Variants in POLK observed in about 807,000 individuals in gnomAD.
POLK encodes the protein DNA polymerase kappa, also known as polymerase (DNA directed) kappa.
A neutral mutation model predicts 94.0 loss-of-function variants in POLK; 76 were observed. The observed-to-expected ratio is 0.81, with a 90% CI of 0.67 to 0.98. POLK has a LOEUF of 0.98. POLK is among the 50% of genes least tolerant of loss of function. The pLI, the probability that POLK is intolerant of heterozygous loss-of-function variation, is 0.00. For missense variants in POLK, 954 were observed against 1,010.1 expected, an observed-to-expected ratio of 0.94 and a Z score of 0.75; for synonymous variants, 349 against 325.4, an observed-to-expected ratio of 1.07 and a Z score of -0.78.
rs1381052689 is a variant in POLK at position 75,552,457 on chromosome 5, T to C, written c.136-15T>C. 1 of 1,604,882 alleles carries C rather than the reference T, an allele frequency of 6.2e-7. No individual in the cohort carries two copies. The highest frequency in any genetic ancestry group is 1.1e-5 in the South Asian group (1 of 89,744). ...CAGACATTTTTCTTATGCTTTGTTT[T>C]GTTTTCCTCCATAGGGGTCCAGATT... On this transcript the variant is annotated splice_polypyrimidine_tract_variant and intron_variant, in intron 2 of 14. Transcript: ENST00000241436.
At chr5:75,573,760 G>A in exon 5 of POLK, 1 of 1,613,188 alleles carries the variant, frequency 6.2e-7, no homozygotes, top group Non-Finnish European at 8.5e-7. Context: ...TACCATGCAA[G>A]GAGATTTGGT....
At chr5:75,572,464 A>G (rs1179074777) in intron 4 of POLK, among the ~76,000 whole-genome samples, 1 of 152,114 alleles carries the variant, frequency 6.6e-6, no homozygotes, top group Non-Finnish European at 1.5e-5. Context: ...ATACTATACT[A>G]TTACTTTATA....
Position 75,586,366 on chromosome 5 carries a change from G to A in POLK, c.1227-660G>A, listed in dbSNP as rs150049296. ...TAAGTTTTCTGAGGGCAAGTACTTGGTCTATTTCCTTCATTACTATATCCT... is the reference window on the plus strand; with the variant it reads ...TAAGTTTTCTGAGGGCAAGTACTTGATCTATTTCCTTCATTACTATATCCT... On this transcript the variant is annotated intron_variant, in intron 9 of 14. Transcript: ENST00000241436. Among the ~76,000 whole-genome samples, 316 of 152,150 alleles carry A rather than the reference G, an allele frequency of 2.1e-3. 1 individual carries two copies. In the East Asian group the frequency reaches 0.027, roughly 13 times the overall value.
At position 75,560,597 on chromosome 5, in the gene POLK, C is replaced by A; in HGVS notation, c.255+8006C>A. Among the ~76,000 whole-genome samples the A allele has an allele frequency of 1.3e-5, 2 of 152,054 alleles. 1 individual carries two copies. Among genetic ancestry groups the A allele is most frequent in the South Asian group, 4.1e-4 (2 of 4,820 alleles). ...GGTTTGTTACATAGGTATACATGTG[C>A]CACGGTGGTCTGCTGCACCTATCAA... On this transcript the variant is annotated intron_variant, in intron 3 of 14. Transcript: ENST00000241436.
intron 1 of POLK, among the ~76,000 whole-genome samples, chr5:75,519,473 G>GA (rs1768469128): frequency 6.6e-6 from 1 of 152,114 alleles, no homozygotes; most frequent in Non-Finnish European, 1.5e-5. Context: ...CCTGAGAGTA[G>GA]GGTGTTGAAG....
At chr5:75,541,308 C>T (rs762241930) in intron 1 of POLK, among the ~76,000 whole-genome samples, 1 of 151,728 alleles carries the variant, frequency 6.6e-6, no homozygotes, top group Non-Finnish European at 1.5e-5. Flanking sequence ...CAAAAAAAAA[C>T]CAAAAAACAA....
At chr5:75,534,298 C>A (rs932467110) in intron 1 of POLK, among the ~76,000 whole-genome samples, 1 of 151,064 alleles carries the variant, frequency 6.6e-6, no homozygotes, top group Non-Finnish European at 1.5e-5. Context: ...TGGGCTGAGA[C>A]CATGAGGTTT....
At chr5:75,571,644 T>C (rs1771606568) in intron 4 of POLK, among the ~76,000 whole-genome samples, 1 of 152,174 alleles carries the variant, frequency 6.6e-6, no homozygotes, top group Admixed American at 6.6e-5. Context: ...CATTTAGTAA[T>C]CTACCCCAAA....
In POLK at chr5:75,569,391, A is replaced by G. The variant is rs1390061264; in HGVS notation, c.307A>G (p.Ile103Val). 3.1e-6 allele frequency: 5 copies of G among 1,613,454 alleles called. No individual in the cohort carries two copies. The highest frequency in any genetic ancestry group is 2.7e-5 in the African/African-American group (2 of 74,928). The change falls in exon 4 of 15, where the codon ATA (isoleucine) becomes GTA (valine). Residue 103 changes from isoleucine to valine, a missense_variant. Ile to Val is a conservative substitution (Grantham distance 29, BLOSUM62 3). Coordinates refer to ENST00000241436, the Ensembl canonical transcript of POLK. Reference sequence around the variant, plus strand: ...ACAAAGCCGAAATTTGAGCAATACCATAGTGCACATTGACATGGATGCTTT... The same window carrying G: ...ACAAAGCCGAAATTTGAGCAATACCGTAGTGCACATTGACATGGATGCTTT...
chr5:75,578,601 T>C (rs939838267), intron 6 of POLK, among the ~76,000 whole-genome samples: 1 of 152,194 alleles, frequency 6.6e-6, no homozygotes, highest in Non-Finnish European at 1.5e-5. Context: ...TAGTTAAACT[T>C]TTCTTCTCAT....
At chr5:75,562,637 G>C (rs1459080993) in intron 3 of POLK, among the ~76,000 whole-genome samples, 1 of 152,132 alleles carries the variant, frequency 6.6e-6, no homozygotes, top group African/African-American at 2.4e-5. Context: ...TATGATATTG[G>C]CTGTGGGTTT....
rs373317510 is a variant in POLK at position 75,523,908 on chromosome 5, T to C, written c.-14+11994T>C. On this transcript the variant is annotated intron_variant, in intron 1 of 14. Transcript: ENST00000241436. ...ACTTTGCGGGGCCGAGGCAGGCAGA[T>C]CACCTGAGGTCAGGAGTTCAAGACC... is the stretch of plus-strand genomic sequence containing the variant. Among the ~76,000 whole-genome samples, 7 of 152,150 alleles carry C rather than the reference T, an allele frequency of 4.6e-5. No individual in the cohort carries two copies. In the East Asian group the frequency reaches 1.4e-3, roughly 29 times the overall value.
At chr5:75,523,269 A>G (rs1423574403) in intron 1 of POLK, among the ~76,000 whole-genome samples, 1 of 152,204 alleles carries the variant, frequency 6.6e-6, no homozygotes, top group African/African-American at 2.4e-5. Context: ...ATGTCATTTT[A>G]GTTAGAAATA....
chr5:75,512,237 C>G (rs1349445051), intron 1 of POLK: 2 of 159,792 alleles, frequency 1.3e-5, no homozygotes, highest in African/African-American at 4.8e-5. Flanking sequence ...GAGGGTCTTA[C>G]TCATTAGAAG....
At chr5:75,596,200 G>A (rs1773072963) in intron 12 of POLK, 22 bp from the exon 13 acceptor site, 1 of 1,334,798 alleles carries the variant, frequency 7.5e-7, no homozygotes, top group African/African-American at 1.5e-5. Context: ...ATTTGAAATT[G>A]ATTGTGATTG....
chr5:75,603,362 A>G (rs192256693), downstream of POLK, among the ~76,000 whole-genome samples: 21 of 152,112 alleles, frequency 1.4e-4, no homozygotes, highest in East Asian at 2.9e-3. Flanking sequence ...TCCCTGCTCT[A>G]AACCATCTTA....
In POLK at chr5:75,584,943, T is replaced by G. The variant is rs1772390330; in HGVS notation, c.1226+17T>G. 6.6e-7 allele frequency: 1 copy of G among 1,524,170 alleles called. No individual in the cohort carries two copies. Among genetic ancestry groups the G allele is most frequent in the African/African-American group, 1.4e-5 (1 of 71,968 alleles). The allele number at this position is 1,524,170 out of a possible 1,614,324, so 94.4% of individuals were successfully genotyped here. On this transcript the variant is annotated intron_variant, in intron 9 of 14. Coordinates refer to ENST00000241436, the Ensembl canonical transcript of POLK. ...CCTGACGAGGTATCTATATGTATTGTCATTCTGCTTTTTCTTCAGCATTTG... is the reference window on the plus strand; with the variant it reads ...CCTGACGAGGTATCTATATGTATTGGCATTCTGCTTTTTCTTCAGCATTTG...
At chr5:75,534,380 A>T (rs1235030425) in intron 1 of POLK, among the ~76,000 whole-genome samples, 2 of 151,854 alleles carry the variant, frequency 1.3e-5, no homozygotes, top group Non-Finnish European at 1.5e-5. Flanking sequence ...TGTCTCCTGT[A>T]TGTCGATGAT....
intron 2 of POLK, among the ~76,000 whole-genome samples, chr5:75,549,352 A>G (rs1770218457): frequency 1.3e-5 from 2 of 151,848 alleles, no homozygotes; most frequent in Admixed American, 6.6e-5. Flanking sequence ...CTTCTGTTCC[A>G]CTGGATCATT....
Sources: allele counts gnomAD v4.1 joint callset (sites outside exome capture counted in the v4.1 genomes callset), GRCh38; gene constraint gnomAD v4.1.1; transcripts MANE v1.5; gene names NCBI Gene and HGNC (gene_info 2026-07-23, HGNC 2026-07-21).